The following COL24A1 variants were observed in gnomAD, a reference collection of about 807,000 sequenced individuals.
COL24A1 encodes collagen type XXIV alpha 1 chain.
Under a neutral mutation model 253.9 loss-of-function variants are expected in COL24A1, and 224 were observed. That is an observed-to-expected ratio of 0.88 (90% confidence interval 0.79 to 0.99). The LOEUF (loss-of-function observed/expected upper bound fraction) is 0.99, where lower values mean the gene tolerates loss of function less well. COL24A1 is among the 50% of genes least tolerant of loss of function. COL24A1 has a pLI of 0.00. For missense variants in COL24A1, 2,131 were observed against 2,068.5 expected, an observed-to-expected ratio of 1.03 and a Z score of -0.59; for synonymous variants, 685 against 673.7, an observed-to-expected ratio of 1.02 and a Z score of -0.26.
intron 37 of COL24A1, among the ~76,000 whole-genome samples, chr1:85,850,604 T>G (rs1285288991): frequency 1.3e-5 from 2 of 152,178 alleles, no homozygotes; most frequent in African/African-American, 4.8e-5. Context: ...AGAGGCTGAT[T>G]AATCTTCATA....
intron 47 of COL24A1, among the ~76,000 whole-genome samples, chr1:85,812,341 T>C (rs894285602): frequency 6.6e-6 from 1 of 152,204 alleles, no homozygotes; most frequent in African/African-American, 2.4e-5. Context: ...CCTTTACCAG[T>C]TAATGGAGGA....
chr1:85,828,931 T>C (rs1325317131), intron 43 of COL24A1, among the ~76,000 whole-genome samples: 2 of 150,812 alleles, frequency 1.3e-5, no homozygotes, highest in African/African-American at 4.9e-5. Flanking sequence ...ACATTTAAAG[T>C]TAATATTGTT....
At chr1:86,104,842 GT>G in intron 5 of COL24A1, among the ~76,000 whole-genome samples, 1 of 152,340 alleles carries the variant, frequency 6.6e-6, no homozygotes, top group South Asian at 2.1e-4. Context: ...AGTGGGATCT[GT>G]CCTTGTTTGC....
At chr1:86,005,711 C>T (rs1016548892) in intron 19 of COL24A1, among the ~76,000 whole-genome samples, 1 of 151,500 alleles carries the variant, frequency 6.6e-6, no homozygotes, top group South Asian at 2.1e-4. Context: ...TACTGGAAGT[C>T]CTAGATAATG....
chr1:85,975,079 A>G (rs1692529394), intron 20 of COL24A1, among the ~76,000 whole-genome samples: 1 of 152,218 alleles, frequency 6.6e-6, no homozygotes, highest in Admixed American at 6.5e-5. Flanking sequence ...AGAATAAGAT[A>G]TCATCTCATT....
intron 19 of COL24A1, among the ~76,000 whole-genome samples, chr1:86,001,113 T>C (rs75229713): frequency 0.017 from 2,587 of 152,122 alleles, 31 homozygotes; most frequent in Middle Eastern, 0.068. Flanking sequence ...TACAATTCCA[T>C]GAAAAGCTAA....
At position 85,966,945 on chromosome 1, in the gene COL24A1, G is replaced by A. The variant is rs540674480; in HGVS notation, c.2464-1883C>T. ...CAAAAAAGTTTTGTTTTGTTTTTAA[G>A]CTAGAAGAATAACAGCAGCTTTATA... On this transcript the variant is annotated intron_variant, in intron 22 of 59. Coordinates refer to ENST00000370571, the MANE Select transcript of COL24A1 (RefSeq NM_152890.7). Among the ~76,000 whole-genome samples, 2 of 152,160 alleles carry A rather than the reference G, an allele frequency of 1.3e-5. 1 individual carries two copies. Among genetic ancestry groups the A allele is most frequent in the Non-Finnish European group, 2.9e-5 (2 of 68,018 alleles).
intron 2 of COL24A1, among the ~76,000 whole-genome samples, chr1:86,135,917 C>G (rs1364278760): frequency 1.3e-5 from 2 of 152,000 alleles, no homozygotes; most frequent in Non-Finnish European, 2.9e-5. Flanking sequence ...CCTAGCCTAG[C>G]AACTTATAGA....
At chr1:85,806,788 C>A (rs1248540943) in intron 47 of COL24A1, among the ~76,000 whole-genome samples, 5 of 152,222 alleles carry the variant, frequency 3.3e-5, no homozygotes, top group Non-Finnish European at 5.9e-5. Flanking sequence ...GAGATCCAGT[C>A]TCCACCCTGC....
At chr1:85,813,802 C>A (rs1000611598) in intron 47 of COL24A1, among the ~76,000 whole-genome samples, 12 of 151,918 alleles carry the variant, frequency 7.9e-5, no homozygotes. Flanking sequence ...CCGCCCGCCT[C>A]GGCCTCCCAA....
intron 47 of COL24A1, among the ~76,000 whole-genome samples, chr1:85,808,485 G>C (rs1672207440): frequency 6.6e-6 from 1 of 152,184 alleles, no homozygotes; most frequent in East Asian, 1.9e-4. Context: ...ATTGGAAGCA[G>C]TTTTCTTGCC....
chr1:85,914,480 T>C (rs1039047587), intron 24 of COL24A1, among the ~76,000 whole-genome samples: 2 of 151,514 alleles, frequency 1.3e-5, no homozygotes, highest in African/African-American at 2.4e-5. Context: ...AACCTCTGCC[T>C]CCTGGCTTCA....
intron 19 of COL24A1, among the ~76,000 whole-genome samples, chr1:86,008,655 G>A (rs1696200353): frequency 6.6e-6 from 1 of 152,128 alleles, no homozygotes; most frequent in African/African-American, 2.4e-5. Flanking sequence ...AATTAGCCAT[G>A]AGAATTAACT....
intron 31 of COL24A1, among the ~76,000 whole-genome samples, chr1:85,892,925 G>A (rs181465313): frequency 6.6e-6 from 1 of 152,034 alleles, no homozygotes; most frequent in South Asian, 2.1e-4. Context: ...AATGCCAACA[G>A]AAGACATTGA....
At chr1:85,969,319 C>A (rs994211386) in intron 22 of COL24A1, among the ~76,000 whole-genome samples, 6 of 151,862 alleles carry the variant, frequency 4.0e-5, no homozygotes, top group Non-Finnish European at 7.4e-5. Flanking sequence ...AGAACCAGTA[C>A]TTTGGCCAGG....
chr1:86,069,122 C>T (rs143970396), intron 7 of COL24A1, among the ~76,000 whole-genome samples: 2 of 152,190 alleles, frequency 1.3e-5, no homozygotes, highest in Admixed American at 6.5e-5. Flanking sequence ...TGTCTTGCAC[C>T]CTATGTACCA....
chr1:86,005,953 A>G (rs1464622100), intron 19 of COL24A1, among the ~76,000 whole-genome samples: 1 of 152,170 alleles, frequency 6.6e-6, no homozygotes, highest in Non-Finnish European at 1.5e-5. Flanking sequence ...TAAAAACACA[A>G]TACAGCACCA....
intron 47 of COL24A1, among the ~76,000 whole-genome samples, chr1:85,814,964 T>G (rs545887673): frequency 2.3e-4 from 35 of 152,284 alleles, no homozygotes; most frequent in African/African-American, 8.4e-4. Context: ...TATTAATAAG[T>G]TAATTACTAC....
intron 37 of COL24A1, among the ~76,000 whole-genome samples, chr1:85,854,786 C>A (rs933022308): frequency 1.3e-5 from 2 of 151,576 alleles, no homozygotes; most frequent in Admixed American, 6.6e-5. Flanking sequence ...CTCACTGCAA[C>A]CTCACCTCCT....
Sources: gnomAD v4.1 joint callset for allele counts (sites outside exome capture counted in the v4.1 genomes callset) on GRCh38, gnomAD v4.1.1 for gene constraint, MANE v1.5 for transcripts, NCBI Gene and HGNC (gene_info 2026-07-23, HGNC 2026-07-21) for gene names.